HLA-DRB5: variants seen among roughly 807,000 people sequenced by gnomAD.
HLA-DRB5 encodes the protein DR beta-5.
In HLA-DRB5, 11 loss-of-function variants were observed where a neutral mutation model predicts 22.4. The ratio of observed to expected loss-of-function variants is 0.49; its 90% CI spans 0.31 to 0.81. The LOEUF (loss-of-function observed/expected upper bound fraction) is 0.81, where lower values mean the gene tolerates loss of function less well. Among genes scored for constraint, HLA-DRB5 ranks in the 40% least tolerant of loss-of-function variants. The pLI is 0.05. For synonymous variants in HLA-DRB5, 57 were observed against 106.0 expected, an observed-to-expected ratio of 0.54 and a Z score of 2.84; for missense variants, 106 against 274.4, an observed-to-expected ratio of 0.39 and a Z score of 4.34.
intron 1 of HLA-DRB5, among the ~76,000 whole-genome samples, chr6:32,526,027 G>T: frequency 9.5e-6 from 1 of 105,166 alleles, no homozygotes; most frequent in South Asian, 3.0e-4. Flanking sequence ...CTTCTCTTCA[G>T]CCTCTTTAGC....
chr6:32,529,225 C>A (rs1370857711), intron 1 of HLA-DRB5, among the ~76,000 whole-genome samples: 39 of 129,176 alleles, frequency 3.0e-4, no homozygotes, highest in African/African-American at 1.0e-3. Flanking sequence ...TGTAACCCCA[C>A]ACAGAGTATA....
Position 32,519,442 on chromosome 6 carries a change from G to C in HLA-DRB5, c.580C>G (p.Pro194Ala). The C allele has an allele frequency of 7.6e-7, 1 of 1,323,674 alleles. No individual in the cohort carries two copies. The highest frequency in any genetic ancestry group is 2.2e-5 in the African/African-American group (1 of 46,058). 82.0% of individuals were successfully genotyped at this position (1,323,674 alleles called of 1,614,324 possible). ...FQTLVMLETVPRSGEVYTCQV... is the reference protein window; with the variant it reads ...FQTLVMLETVARSGEVYTCQV... The stretch of plus-strand genomic sequence containing the variant: ...CAGGTGTAAACCTCTCCACTTCGAG[G>C]AACTGTTTCCAGCATCACCAGGGTC... The change falls in exon 3 of 6, where the codon CCT becomes GCT. Residue 194 changes from proline to alanine, a missense_variant. Transcript: ENST00000374975.
chr6:32,525,429 A>T (rs202244633), intron 1 of HLA-DRB5, among the ~76,000 whole-genome samples: 5,567 of 32,168 alleles, frequency 0.17, 1,724 homozygotes, highest in Admixed American at 0.24. Context: ...TTTCTATTAC[A>T]TGATTCTAAA....
At chr6:32,522,583 G>C (rs535514039) in intron 1 of HLA-DRB5, among the ~76,000 whole-genome samples, 120 of 36,480 alleles carry the variant, frequency 3.3e-3, no homozygotes, top group Admixed American at 5.8e-3. Context: ...CGTTCATCCT[G>C]TGAACACTCC....
intron 1 of HLA-DRB5, among the ~76,000 whole-genome samples, chr6:32,524,198 A>G (rs113386396): frequency 0.75 from 74,232 of 98,506 alleles, 33,145 homozygotes; most frequent in Middle Eastern, 0.87. Flanking sequence ...CGAATGCTTT[A>G]TAGAATTCTG....
intron 1 of HLA-DRB5, among the ~76,000 whole-genome samples, chr6:32,524,577 G>C (rs115280329): frequency 0.2 from 17,638 of 86,248 alleles, 532 homozygotes; most frequent in Middle Eastern, 0.29. Flanking sequence ...ACATGAGCAG[G>C]TCCCCAGACT....
chr6:32,519,143 T>G, intron 3 of HLA-DRB5, among the ~76,000 whole-genome samples: 1 of 94,734 alleles, frequency 1.1e-5, no homozygotes, highest in Non-Finnish European at 2.1e-5. Flanking sequence ...ATGGGGAGGT[T>G]CAAAACAGGG....
Position 32,525,719 on chromosome 6 carries a change from A to T in HLA-DRB5, c.101-3545T>A, listed in dbSNP as rs1266921856. ...ATTCCAGAGATGTACATGTTTTTATATACCACAGATACAGCAGGATCATTA... is the reference window on the plus strand; with the variant it reads ...ATTCCAGAGATGTACATGTTTTTATTTACCACAGATACAGCAGGATCATTA... On this transcript the variant is annotated intron_variant, in intron 1 of 5. Coordinates refer to ENST00000374975, the MANE Select transcript of HLA-DRB5 (RefSeq NM_002125.4). 1.5e-5 allele frequency among the ~76,000 whole-genome samples: 2 copies of T among 132,834 alleles called. 1 individual carries two copies. Among genetic ancestry groups the T allele is most frequent in the African/African-American group, 5.6e-5 (2 of 35,686 alleles). 87.1% of individuals were successfully genotyped at this position (132,834 alleles called of 152,430 possible).
At position 32,528,032 on chromosome 6, in the gene HLA-DRB5, T is replaced by C. The variant is rs116668348; in HGVS notation, c.100+2093A>G. 9.7e-3 allele frequency among the ~76,000 whole-genome samples: 243 copies of C among 25,150 alleles called. 16 individuals are homozygous for C. The highest frequency in any genetic ancestry group is 0.01 in the Non-Finnish European group (119 of 11,672). The allele number at this position is 25,150 out of a possible 152,430, so 16.5% of individuals were successfully genotyped here. ...GCATTTCCTTGCTTGCTCACTTCAG[T>C]CCCTCTAGCCTTCTTTCTGTCCCTG... On this transcript the variant is annotated intron_variant, in intron 1 of 5. Transcript: ENST00000374975.
At chr6:32,528,301 G>A (rs1412151501) in intron 1 of HLA-DRB5, among the ~76,000 whole-genome samples, 65 of 74,068 alleles carry the variant, frequency 8.8e-4, no homozygotes, top group African/African-American at 3.4e-3. Flanking sequence ...ATGCTTATTG[G>A]GTTAGTGTCT....
intron 1 of HLA-DRB5, 88 bp downstream of exon 1, chr6:32,530,037 C>A: frequency 3.0e-6 from 2 of 657,724 alleles, no homozygotes; most frequent in Non-Finnish European, 5.0e-6. Context: ...GTCACAATTT[C>A]TTAAGGCACC....
rs551880708 is a variant in HLA-DRB5 at position 32,526,710 on chromosome 6, G to T, written c.100+3415C>A. The stretch of plus-strand genomic sequence containing the variant: ...AATTTTTTGTATTTTTAGTAGAGAC[G>T]GGGTTTCACCGTGTTAGCCAGGAAG... On this transcript the variant is annotated intron_variant, in intron 1 of 5. Coordinates refer to ENST00000374975, the MANE Select transcript of HLA-DRB5 (RefSeq NM_002125.4). 1.6e-4 allele frequency among the ~76,000 whole-genome samples: 6 copies of T among 37,296 alleles called. 3 individuals carry two copies. Among genetic ancestry groups the T allele is most frequent in the African/African-American group, 6.2e-4 (6 of 9,732 alleles). The allele number at this position is 37,296 out of a possible 152,430, so 24.5% of individuals were successfully genotyped here.
intron 2 of HLA-DRB5, among the ~76,000 whole-genome samples, chr6:32,521,686 C>A (rs1328370592): frequency 3.6e-4 from 7 of 19,666 alleles, no homozygotes; most frequent in East Asian, 1.9e-3. Context: ...CCCACAAAGG[C>A]CACAAAGACA....
chr6:32,521,862 C>T (rs149521915), intron 2 of HLA-DRB5, 43 bp downstream of exon 2: 153,877 of 737,854 alleles, frequency 0.21, 32,247 homozygotes, highest in South Asian at 0.32. Context: ...CACTCAGATT[C>T]CCAGCTCACA....
chr6:32,524,877 T>C (rs1207190230), intron 1 of HLA-DRB5, among the ~76,000 whole-genome samples: 625 of 42,670 alleles, frequency 0.015, 19 homozygotes, highest in East Asian at 0.044. Flanking sequence ...GTCGTGTGTC[T>C]GAAATTCAGA....
chr6:32,523,166 C>G (rs144113929), intron 1 of HLA-DRB5, among the ~76,000 whole-genome samples: 1 of 44,946 alleles, frequency 2.2e-5, no homozygotes, highest in Non-Finnish European at 4.5e-5. Context: ...CCATGAATGT[C>G]CACAAACCTT....
chr6:32,525,660 A>C (rs2150570469), intron 1 of HLA-DRB5, among the ~76,000 whole-genome samples: 1 of 90,882 alleles, frequency 1.1e-5, no homozygotes, highest in Non-Finnish European at 2.3e-5. Flanking sequence ...CAAATTTGTG[A>C]TACTGGGTTT....
chr6:32,526,958 A>AAAC (rs1345976477), intron 1 of HLA-DRB5, among the ~76,000 whole-genome samples: 155 of 49,618 alleles, frequency 3.1e-3, no homozygotes, highest in Non-Finnish European at 3.6e-3. Flanking sequence ...CTATCTCAAT[A>AAAC]AACACCACCA....
rs1410356926 is a variant in HLA-DRB5 at position 32,522,024 on chromosome 6, C to A, written c.251G>T (p.Arg84Leu). Residue 84 changes from arginine to leucine, a missense_variant, in exon 2 of 6, where the codon CGG becomes CTG. Physicochemically the swap from Arg to Leu is moderately radical, Grantham distance 102. Coordinates refer to ENST00000374975, the MANE Select transcript of HLA-DRB5 (RefSeq NM_002125.4). ...GCTGTTCCAGTACTCAGCGTCAGGC[C>A]GCCCCAGCTCCGTCACCGCCCGGTA... ...GEYRAVTELG[R>L]PDAEYWNSQK... 7 of 1,561,876 alleles carry A rather than the reference C, an allele frequency of 4.5e-6. No homozygotes were observed. The South Asian group carries it at 6.7e-5, about 15-fold the overall frequency.
Sources: gnomAD v4.1 joint callset for allele counts (sites outside exome capture counted in the v4.1 genomes callset) on GRCh38, gnomAD v4.1.1 for gene constraint, MANE v1.5 for transcripts, NCBI Gene and HGNC (gene_info 2026-07-23, HGNC 2026-07-21) for gene names.